The following ITGB2 variants were observed in gnomAD, a reference collection of about 807,000 sequenced individuals.
The protein encoded by ITGB2 is integrin subunit beta 2, also known as integrin beta-2.
Under a neutral mutation model 86.8 loss-of-function variants are expected in ITGB2, and 56 were observed. The observed-to-expected ratio is 0.65, with a 90% CI of 0.52 to 0.81. The LOEUF (loss-of-function observed/expected upper bound fraction) is 0.81. Ranked by LOEUF, ITGB2 falls within the 30% of genes least tolerant of loss-of-function variation. The probability of loss-of-function intolerance (pLI) is 0.00; values close to 1 mark genes in which losing one functional copy is unlikely to be tolerated. For synonymous variants in ITGB2, 457 were observed against 450.4 expected, an observed-to-expected ratio of 1.01 and a Z score of -0.19; for missense variants, 948 against 1,061.2, an observed-to-expected ratio of 0.89 and a Z score of 1.48.
chr21:44,900,492 G>A lies in ITGB2; in HGVS notation c.742-17C>T, dbSNP rs754075949. On this transcript the variant is annotated splice_polypyrimidine_tract_variant and intron_variant, in intron 6 of 15. Coordinates refer to ENST00000652462, the MANE Select transcript of ITGB2 (RefSeq NM_000211.5). The stretch of plus-strand genomic sequence containing the variant: ...GATTTCCTCCTGAGAAGAAGGCGTG[G>A]GGGGCAGGGTTACCTGCCTCAGTTT... 4 of 1,613,114 alleles carry A rather than the reference G, an allele frequency of 2.5e-6. No individual in the cohort carries two copies. In the Admixed American group the frequency reaches 5.0e-5, roughly 20 times the overall value.
At position 44,907,098 on chromosome 21, in the gene ITGB2, G is replaced by A. The variant is rs1412835516; in HGVS notation, c.148-3C>T. On this transcript the variant is annotated splice_region_variant and splice_polypyrimidine_tract_variant and intron_variant, in intron 3 of 15. Coordinates refer to ENST00000652462, the MANE Select transcript of ITGB2 (RefSeq NM_000211.5). ...GGATCCCCCGGCCCTGTGAAGTTCT[G>A]GGGAGGGGGAGTCAGGGGTCAGGAG... is the stretch of plus-strand genomic sequence containing the variant. 2 of 1,593,034 alleles carry A rather than the reference G, an allele frequency of 1.3e-6. No homozygotes were observed. Among genetic ancestry groups the A allele is most frequent in the South Asian group, 1.1e-5 (1 of 88,968 alleles).
chr21:44,902,703 G>C (rs549981821), intron 5 of ITGB2, among the ~76,000 whole-genome samples: 3 of 145,174 alleles, frequency 2.1e-5, no homozygotes, highest in Admixed American at 2.0e-4. Flanking sequence ...ATTTGTGTGT[G>C]AGTGTGCATT....
Position 44,910,769 on chromosome 21 carries a change from C to A in ITGB2, c.14G>T (p.Arg5Leu). 6.2e-7 allele frequency: 1 copy of A among 1,613,752 alleles called. No individual in the cohort carries two copies. The highest frequency in any genetic ancestry group is 8.5e-7 in the Non-Finnish European group (1 of 1,179,920). MLGL[R>L]PPLLALVGLL... Reference sequence around the variant, plus strand: ...CCCCACCAGGGCGAGCAGTGGGGGGCGCAGGCCCAGCATGTCCTGTGGAGG... The same window carrying A: ...CCCCACCAGGGCGAGCAGTGGGGGGAGCAGGCCCAGCATGTCCTGTGGAGG... The change falls in exon 2 of 16, where the codon CGC (arginine) becomes CTC (leucine). Residue 5 changes from arginine (R) to leucine (L), a missense_variant. Transcript: ENST00000652462.
rs114164949 is a variant in ITGB2 at position 44,905,249 on chromosome 21, T to C, written c.328+1666A>G. Among the ~76,000 whole-genome samples, 1,345 of 152,164 alleles carry C rather than the reference T, an allele frequency of 8.8e-3. 15 individuals are homozygous for C. Among genetic ancestry groups the C allele is most frequent in the African/African-American group, 0.031 (1,288 of 41,482 alleles). ...CCCTTCCCAGATCCTGCCGCCCTGC[T>C]CTGGGAGCCTGTGGCCCTGGGGTGC... is the stretch of plus-strand genomic sequence containing the variant. On this transcript the variant is annotated intron_variant, in intron 4 of 15. Coordinates refer to ENST00000652462, the MANE Select transcript of ITGB2 (RefSeq NM_000211.5).
chr21:44,910,646 T>G, intron 2 of ITGB2, 79 bp downstream of exon 2: 1 of 1,543,226 alleles, frequency 6.5e-7, no homozygotes, highest in Non-Finnish European at 8.9e-7. Context: ...CTTCTGTCTA[T>G]GGGAAAGTGA....
At chr21:44,921,397 G>GACAGA (rs2084302047), upstream of ITGB2, 1 of 152,988 alleles carries the variant, frequency 6.5e-6, no homozygotes, top group Admixed American at 6.5e-5. Context: ...GGCGGGAGGG[G>GACAGA]ACAGAACAGG....
rs1181317462 is a variant in ITGB2, at chr21:44,889,470, C to A, written c.1683G>T (p.Lys561Asn). The A allele has an allele frequency of 1.3e-6, 2 of 1,583,136 alleles. No individual in the cohort carries two copies. The highest frequency in any genetic ancestry group is 1.7e-6 in the Non-Finnish European group (2 of 1,165,220). ...GPGRGLCFCG[K>N]CRCHPGFEGS... Reference sequence around the variant, plus strand: ...CCTCAAAGCCCGGGTGGCAGCGGCACTTCCCGCAGAAGCAGAGCCCCCTCC... The same window carrying A: ...CCTCAAAGCCCGGGTGGCAGCGGCAATTCCCGCAGAAGCAGAGCCCCCTCC... The change falls in exon 13 of 16, where the codon AAG becomes AAT. Residue 561 changes from lysine (K) to asparagine (N), a missense_variant. Transcript: ENST00000652462.
chr21:44,920,963 CTTGG>C (rs2084296218), upstream of ITGB2: 1 of 152,384 alleles, frequency 6.6e-6, no homozygotes, highest in East Asian at 1.9e-4. Flanking sequence ...TCAGCTCCTC[CTTGG>C]AGGAAGTGGT....
chr21:44,901,035 C>T (rs1449710947), intron 6 of ITGB2, among the ~76,000 whole-genome samples: 1 of 152,138 alleles, frequency 6.6e-6, no homozygotes, highest in Non-Finnish European at 1.5e-5. Flanking sequence ...CTCAACATGG[C>T]CCAGGGACTG....
At position 44,903,487 on chromosome 21, in the gene ITGB2, G is replaced by C. The variant is rs763505620; in HGVS notation, c.377C>G (p.Pro126Arg). 6.2e-7 allele frequency: 1 copy of C among 1,614,120 alleles called. No homozygotes were observed. Among genetic ancestry groups the C allele is most frequent in the Non-Finnish European group, 8.5e-7 (1 of 1,179,972 alleles). Reference protein sequence around the residue: ...NVTFRRAKGYPIDLYYLMDLS... With the variant: ...NVTFRRAKGYRIDLYYLMDLS... Reference sequence around the variant, plus strand: ...GTCCATCAGATAGTACAGGTCGATGGGGTAGCCCTTGGCCCGCCGGAAGGT... The same window carrying C: ...GTCCATCAGATAGTACAGGTCGATGCGGTAGCCCTTGGCCCGCCGGAAGGT... Residue 126 changes from proline (P) to arginine (R), a missense_variant, in exon 5 of 16, where the codon CCC (proline) becomes CGC (arginine). Transcript: ENST00000652462.
chr21:44,906,154 T>TCCCTCACTTCCCTCCCTC (rs2084039481), intron 4 of ITGB2, among the ~76,000 whole-genome samples: 3 of 96,388 alleles, frequency 3.1e-5, no homozygotes, highest in Non-Finnish European at 4.5e-5. Context: ...TTCCCTCCCT[T>TCCCTCACTTCCCTCCCTC]CCCTCCCTTC....
rs770232900 is a variant in ITGB2 at position 44,910,393 on chromosome 21, G to A, written c.59-21C>T. On this transcript the variant is annotated intron_variant, in intron 2 of 15. Transcript: ENST00000652462. ...GAGGACTGAGGGACGAGGCCGGCTG[G>A]TGAGTGGGTGCTCTGGGCCGCCCTG... 8 of 1,614,066 alleles carry A rather than the reference G, an allele frequency of 5.0e-6. No homozygotes were observed. In the South Asian group the frequency reaches 7.7e-5, roughly 16 times the overall value.
At chr21:44,922,357 GA>G (rs958978456), upstream of ITGB2, among the ~76,000 whole-genome samples, 8 of 151,706 alleles carry the variant, frequency 5.3e-5, no homozygotes, top group Middle Eastern at 3.4e-3. Context: ...GTATATACCT[GA>G]AAAAAAATAT....
Position 44,895,028 on chromosome 21 carries a change from C to T in ITGB2, c.1026G>A (p.Val342=). The T allele has an allele frequency of 1.9e-6, 3 of 1,613,602 alleles. No individual in the cohort carries two copies. Among genetic ancestry groups the T allele is most frequent in the Non-Finnish European group, 2.5e-6 (3 of 1,179,786 alleles). ...TGCTGGAGTCCTCAGACAGCTCCCC[C>T]ACGGCTGACTTGGGGATGATCTCGG... The part of the protein sequence containing the change: ...KLTEIIPKSA[V]GELSEDSSNV... Residue 342 remains valine (V), a synonymous_variant, in exon 9 of 16, where the codon GTG becomes GTA. Transcript: ENST00000652462.
intron 10 of ITGB2, among the ~76,000 whole-genome samples, chr21:44,892,252 G>A (rs574227034): frequency 7.9e-5 from 12 of 152,340 alleles, no homozygotes; most frequent in African/African-American, 2.6e-4. Context: ...CATGTGACAC[G>A]CAGACAGCAA....
Position 44,900,585 on chromosome 21 carries a change from G to A in ITGB2, c.742-110C>T, listed in dbSNP as rs757795799. The A allele has an allele frequency of 4.0e-4, 545 of 1,365,148 alleles. 1 individual carries two copies. The highest frequency in any genetic ancestry group is 4.7e-4 in the Non-Finnish European group (458 of 980,142). The allele number at this position is 1,365,148 out of a possible 1,614,324, so 84.6% of individuals were successfully genotyped here. A position where few individuals can be genotyped will look rare whatever the true frequency, so the allele number is the denominator to read the frequency against. ...GGTGGGGTGGCCCGGAGGCTGGTGTGGGTCCCCCTTTCCCCTGGGTCTCAG... is the reference window on the plus strand; with the variant it reads ...GGTGGGGTGGCCCGGAGGCTGGTGTAGGTCCCCCTTTCCCCTGGGTCTCAG... On this transcript the variant is annotated intron_variant, in intron 6 of 15. Coordinates refer to ENST00000652462, the MANE Select transcript of ITGB2 (RefSeq NM_000211.5).
At chr21:44,888,991 G>A (rs1255528268) in intron 13 of ITGB2, 96 bp from the exon 14 acceptor site, 13 of 1,158,960 alleles carry the variant, frequency 1.1e-5, no homozygotes, top group East Asian at 7.6e-5. Context: ...GGGGGGGCAG[G>A]TGGGGTTGGG....
At chr21:44,925,334 G>C (rs114088581), upstream of ITGB2, among the ~76,000 whole-genome samples, 170 of 150,550 alleles carry the variant, frequency 1.1e-3, no homozygotes, top group African/African-American at 4.1e-3. Flanking sequence ...GCTATGGTGA[G>C]CCAAGATCAC....
At chr21:44,889,030 G>A in intron 13 of ITGB2, 135 bp from the exon 14 acceptor site, 2 of 752,076 alleles carry the variant, frequency 2.7e-6, no homozygotes, top group Non-Finnish European at 4.5e-6. Context: ...GGGGGCCCAA[G>A]TGGGGCAGAT....
Sources: allele counts gnomAD v4.1 joint callset (sites outside exome capture counted in the v4.1 genomes callset), GRCh38; gene constraint gnomAD v4.1.1; transcripts MANE v1.5; gene names NCBI Gene and HGNC (gene_info 2026-07-23, HGNC 2026-07-21).